CFAP69: variants seen among roughly 807,000 people sequenced by gnomAD.
CFAP69 encodes the protein cilia and flagella associated protein 69.
Under a neutral mutation model 123.0 loss-of-function variants are expected in CFAP69, and 92 were observed. That is an observed-to-expected ratio of 0.75 (90% CI 0.63 to 0.89). The LOEUF (loss-of-function observed/expected upper bound fraction) is 0.89, where lower values mean the gene tolerates loss of function less well. Among genes scored for constraint, CFAP69 ranks in the 40% least tolerant of loss-of-function variants. The pLI, the probability that CFAP69 is intolerant of heterozygous loss-of-function variation, is 0.00. For missense variants in CFAP69, 1,067 were observed against 1,096.9 expected (o/e 0.97, Z 0.39); for synonymous variants, 380 against 364.3 (o/e 1.04, Z -0.49).
chr7:90,254,628 T>C (rs1309121776), intron 1 of CFAP69, among the ~76,000 whole-genome samples: 1 of 152,134 alleles, frequency 6.6e-6, no homozygotes, highest in African/African-American at 2.4e-5. Context: ...TTTTCTAGCC[T>C]TTTTCATCCT....
At chr7:90,315,546 A>G (rs1488916865), downstream of CFAP69, among the ~76,000 whole-genome samples, 1 of 152,226 alleles carries the variant, frequency 6.6e-6, no homozygotes, top group African/African-American at 2.4e-5. Context: ...TGGGAGCTAG[A>G]TGATGAGAAC....
chr7:90,284,019 T>C (rs1437293980), intron 13 of CFAP69, among the ~76,000 whole-genome samples: 1 of 152,150 alleles, frequency 6.6e-6, no homozygotes, highest in African/African-American at 2.4e-5. Context: ...ATCATTCCTG[T>C]GCACATTCTG....
intron 19 of CFAP69, among the ~76,000 whole-genome samples, chr7:90,305,414 G>A (rs1215620675): frequency 1.3e-5 from 2 of 150,512 alleles, no homozygotes; most frequent in African/African-American, 2.4e-5. Flanking sequence ...TTTATGAGAT[G>A]GAGATTTTGC....
rs10268900 is a variant in CFAP69, at chr7:90,293,903, A to G, written c.1776-3846A>G. On this transcript the variant is annotated intron_variant, in intron 15 of 22. Coordinates refer to ENST00000389297, the MANE Select transcript of CFAP69 (RefSeq NM_001039706.3). The stretch of plus-strand genomic sequence containing the variant: ...TCATAGTGGCATTTTATGAAGCATT[A>G]AGGGGGCCTAACGACCTTCAAATTG... Among the ~76,000 whole-genome samples, 896 of 152,304 alleles carry G rather than the reference A, an allele frequency of 5.9e-3. 15 individuals are homozygous for G. Among genetic ancestry groups the G allele is most frequent in the African/African-American group, 0.02 (847 of 41,560 alleles).
intron 3 of CFAP69, among the ~76,000 whole-genome samples, chr7:90,259,885 A>G (rs13247165): frequency 0.88 from 134,433 of 151,958 alleles, 59,654 homozygotes; most frequent in East Asian, 1. Flanking sequence ...GTCCACTCTC[A>G]CTTTATGTAT....
In CFAP69 at chr7:90,310,166, T is replaced by A; in HGVS notation, c.2754T>A (p.Ile918=). Residue 918 remains isoleucine, a synonymous_variant, in exon 23 of 23, where the codon ATT becomes ATA. Transcript: ENST00000389297. ...ATATTGCTCTTAAAAAACTGCCCAT[T>A]CGAGGAGGAGCCTTGCAGAGGGTGA... is the stretch of plus-strand genomic sequence containing the variant. ...DTDIALKKLP[I]RGGALQRVKA... 1.2e-6 allele frequency: 2 copies of A among 1,613,918 alleles called. No homozygotes were observed. Among genetic ancestry groups the A allele is most frequent in the Non-Finnish European group, 1.7e-6 (2 of 1,179,884 alleles).
rs184278490 is a variant in CFAP69 at position 90,272,440 on chromosome 7, A to G, written c.860+482A>G. Among the ~76,000 whole-genome samples, 583 of 152,266 alleles carry G rather than the reference A, an allele frequency of 3.8e-3. 2 individuals are homozygous for G. The highest frequency in any genetic ancestry group is 6.8e-3 in the Non-Finnish European group (461 of 67,986). Reference sequence around the variant, plus strand: ...TTGTCTCTGCTTTCGTGGAATTTACATTGTGCTAGGAGGGATGGACAAGTA... The same window carrying G: ...TTGTCTCTGCTTTCGTGGAATTTACGTTGTGCTAGGAGGGATGGACAAGTA... On this transcript the variant is annotated intron_variant, in intron 8 of 22. Coordinates refer to ENST00000389297, the MANE Select transcript of CFAP69 (RefSeq NM_001039706.3).
chr7:90,318,749 A>G, the CFAP69 span: 2 of 152,156 alleles, frequency 1.3e-5, no homozygotes, highest in Admixed American at 6.5e-5. Flanking sequence ...TAAAGCAATT[A>G]CAACAAAAAA....
At chr7:90,254,817 A>C (rs1797449243) in intron 1 of CFAP69, among the ~76,000 whole-genome samples, 1 of 152,192 alleles carries the variant, frequency 6.6e-6, no homozygotes, top group African/African-American at 2.4e-5. Context: ...TGATGGTAGA[A>C]TAGAGGATGG....
intron 3 of CFAP69, among the ~76,000 whole-genome samples, chr7:90,259,814 C>T (rs1457732258): frequency 2.0e-5 from 3 of 151,994 alleles, no homozygotes; most frequent in Admixed American, 6.6e-5. Flanking sequence ...CATATATATG[C>T]TATTGTAAAA....
At chr7:90,315,760 T>C (rs775558469), downstream of CFAP69, among the ~76,000 whole-genome samples, 1 of 152,006 alleles carries the variant, frequency 6.6e-6, no homozygotes, top group Admixed American at 6.6e-5. Flanking sequence ...AAAACAAAAG[T>C]TTAAAAAATA....
chr7:90,268,753 G>T (rs928313506), intron 6 of CFAP69, among the ~76,000 whole-genome samples: 2 of 151,964 alleles, frequency 1.3e-5, no homozygotes, highest in African/African-American at 4.8e-5. Context: ...AGCTACCAAT[G>T]CCAGGGCCAT....
chr7:90,281,366 G>A (rs776385825), intron 12 of CFAP69, among the ~76,000 whole-genome samples: 1 of 151,730 alleles, frequency 6.6e-6, no homozygotes, highest in Non-Finnish European at 1.5e-5. Context: ...AGAAAGCATA[G>A]CATAAAGAAG....
Position 90,279,847 on chromosome 7 carries a change from G to A in CFAP69, c.1326G>A (p.Gln442=), listed in dbSNP as rs747785875. 2.5e-6 allele frequency: 4 copies of A among 1,611,290 alleles called. No homozygotes were observed. In the Admixed American group the frequency reaches 6.8e-5, roughly 27 times the overall value. ...TAATAGAAGAATACATGTCATGCCAGGGAAATGCTCGAGTCCTTGCATTTC... is the reference window on the plus strand; with the variant it reads ...TAATAGAAGAATACATGTCATGCCAAGGAAATGCTCGAGTCCTTGCATTTC... The part of the protein sequence containing the change: ...PLLIEEYMSC[Q]GNARVLAFLE... Residue 442 remains glutamine (Q), a synonymous_variant, in exon 12 of 23, where the codon CAG becomes CAA. Transcript: ENST00000389297.
At chr7:90,255,512 G>A (rs371249256) in intron 2 of CFAP69, 30 bp downstream of exon 2, 239 of 1,505,836 alleles carry the variant, frequency 1.6e-4, no homozygotes, top group Admixed American at 6.3e-4. Context: ...AAATTACTCC[G>A]CTGCATTACT....
chr7:90,261,183 G>T (rs538054665), intron 3 of CFAP69, among the ~76,000 whole-genome samples: 1 of 151,662 alleles, frequency 6.6e-6, no homozygotes, highest in Non-Finnish European at 1.5e-5. Flanking sequence ...GGCTTCAAGC[G>T]ATTCTCCTGC....
At chr7:90,271,240 A>G (rs1799905004) in intron 6 of CFAP69, among the ~76,000 whole-genome samples, 1 of 152,114 alleles carries the variant, frequency 6.6e-6, no homozygotes, top group Admixed American at 6.6e-5. Context: ...TTGTGTTAGA[A>G]CACAGCCATG....
chr7:90,286,235 AAGT>A, intron 13 of CFAP69, 43 bp from the exon 14 acceptor site: 1 of 1,473,988 alleles, frequency 6.8e-7, no homozygotes, highest in Non-Finnish European at 9.1e-7. Context: ...ATCAAAATAA[AAGT>A]AGTGTCCAAT....
At chr7:90,308,399 T>C (rs1793913723) in intron 21 of CFAP69, among the ~76,000 whole-genome samples, 1 of 152,188 alleles carries the variant, frequency 6.6e-6, no homozygotes, top group Non-Finnish European at 1.5e-5. Flanking sequence ...ACTTGAAATA[T>C]GTGAGAAACA....
Sources: gnomAD v4.1 joint callset for allele counts (sites outside exome capture counted in the v4.1 genomes callset) on GRCh38, gnomAD v4.1.1 for gene constraint, MANE v1.5 for transcripts, NCBI Gene and HGNC (gene_info 2026-07-23, HGNC 2026-07-21) for gene names.